MTUS1: variants seen among roughly 807,000 people sequenced by gnomAD.
The protein encoded by MTUS1 is microtubule-associated tumor suppressor 1.
MTUS1 carries 109 observed loss-of-function variants against 120.8 expected under a neutral mutation model. The observed-to-expected ratio is 0.90, with a 90% confidence interval of 0.77 to 1.06. The LOEUF (loss-of-function observed/expected upper bound fraction) is 1.06. Among genes scored for constraint, MTUS1 ranks in the 50% least tolerant of loss-of-function variants. MTUS1 has a pLI of 0.00. For synonymous variants in MTUS1, 737 were observed against 550.5 expected, an observed-to-expected ratio of 1.34 and a Z score of -4.74; for missense variants, 2,210 against 1,486.3, an observed-to-expected ratio of 1.49 and a Z score of -8.01.
rs147460758 is a variant in MTUS1, at chr8:17,726,768, T to C, written c.2288-2935A>G. Among the ~76,000 whole-genome samples, 1,499 of 152,272 alleles carry C rather than the reference T, an allele frequency of 9.8e-3. 20 individuals are homozygous for C. Among genetic ancestry groups the C allele is most frequent in the African/African-American group, 0.035 (1,441 of 41,534 alleles). On this transcript the variant is annotated intron_variant, in intron 3 of 14. Coordinates refer to ENST00000693296, the MANE Select transcript of MTUS1 (RefSeq NM_001363059.2). ...GGAAAACAGATTTTTAGAATATAAA[T>C]TTGCCAAATTGCCGCCCCTTCAGCA...
At chr8:17,790,400 T>TAAG (rs2051678014) in intron 1 of MTUS1, among the ~76,000 whole-genome samples, 1 of 151,590 alleles carries the variant, frequency 6.6e-6, no homozygotes, top group Non-Finnish European at 1.5e-5. Flanking sequence ...ATCCAGCATA[T>TAAG]AAGACCACAG....
chr8:17,661,362 A>G (rs963304906), intron 8 of MTUS1, among the ~76,000 whole-genome samples: 1 of 152,200 alleles, frequency 6.6e-6, no homozygotes, highest in Non-Finnish European at 1.5e-5. Flanking sequence ...AAGCAGGAAC[A>G]AGATCTGAAC....
At chr8:17,657,562 C>A (rs768595659) in intron 8 of MTUS1, among the ~76,000 whole-genome samples, 3 of 148,332 alleles carry the variant, frequency 2.0e-5, no homozygotes, top group African/African-American at 7.5e-5. Context: ...AGAGAGACTC[C>A]GTCTCAAAAA....
intron 1 of MTUS1, among the ~76,000 whole-genome samples, chr8:17,763,865 T>C (rs576345783): frequency 3.3e-5 from 5 of 152,280 alleles, no homozygotes; most frequent in East Asian, 1.9e-4. Context: ...GCCTGGACCA[T>C]AGAACTCACA....
chr8:17,648,542 G>A (rs138962948), intron 13 of MTUS1, among the ~76,000 whole-genome samples: 174 of 152,286 alleles, frequency 1.1e-3, no homozygotes, highest in Middle Eastern at 3.4e-3. Flanking sequence ...GACGACCTTT[G>A]GCAGGAACTG....
At chr8:17,674,017 C>G (rs954754479) in intron 8 of MTUS1, among the ~76,000 whole-genome samples, 1 of 152,108 alleles carries the variant, frequency 6.6e-6, no homozygotes, top group African/African-American at 2.4e-5. Flanking sequence ...GAAATAAGCC[C>G]TAGAATGGTC....
At chr8:17,679,039 A>G (rs7465342) in intron 7 of MTUS1, among the ~76,000 whole-genome samples, 87,117 of 152,002 alleles carry the variant, frequency 0.57, 25,764 homozygotes, top group Middle Eastern at 0.7. Context: ...AATGTCTGAT[A>G]TGTAATGAAA....
intron 13 of MTUS1, among the ~76,000 whole-genome samples, chr8:17,649,079 A>G (rs552295655): frequency 2.1e-5 from 3 of 141,408 alleles, no homozygotes; most frequent in African/African-American, 5.3e-5. Context: ...CAAATGGATT[A>G]ATCTTATTAT....
At chr8:17,714,066 T>A (rs979463469) in intron 5 of MTUS1, among the ~76,000 whole-genome samples, 3 of 152,196 alleles carry the variant, frequency 2.0e-5, no homozygotes, top group African/African-American at 7.2e-5. Flanking sequence ...GTTAACTTCA[T>A]TATTGCTGTG....
At chr8:17,683,522 C>G (rs1815072124) in intron 7 of MTUS1, among the ~76,000 whole-genome samples, 1 of 152,124 alleles carries the variant, frequency 6.6e-6, no homozygotes, top group South Asian at 2.1e-4. Flanking sequence ...GAACTCCTGA[C>G]CACAAGCGAT....
At position 17,755,584 on chromosome 8, in the gene MTUS1, T is replaced by G. The variant is rs748411883; in HGVS notation, c.224A>C (p.Gln75Pro). ...TTCATGACCAAATACTTCAACACCC[T>G]GAAGGCTTAAAGAAATATTTTCACC... ...VTGENISLSL[Q>P]GVEVFGHEKS... Residue 75 changes from glutamine (Q) to proline (P), a missense_variant, in exon 2 of 15, where the codon CAG becomes CCG. Coordinates refer to ENST00000693296, the MANE Select transcript of MTUS1 (RefSeq NM_001363059.2). 6 of 1,614,168 alleles carry G rather than the reference T, an allele frequency of 3.7e-6. No individual in the cohort carries two copies. The highest frequency in any genetic ancestry group is 4.2e-6 in the Non-Finnish European group (5 of 1,180,030).
intron 6 of MTUS1, chr8:17,704,309 A>C (rs943640390): frequency 6.6e-6 from 1 of 152,058 alleles, no homozygotes; most frequent in Non-Finnish European, 1.5e-5. Flanking sequence ...CAACCTGTCT[A>C]TTTTTGCTTT....
At chr8:17,797,007 G>T (rs951699511) in intron 1 of MTUS1, among the ~76,000 whole-genome samples, 1 of 152,106 alleles carries the variant, frequency 6.6e-6, no homozygotes, top group Non-Finnish European at 1.5e-5. Context: ...AGCTACTCAG[G>T]AGGCTGAGGC....
At chr8:17,696,880 C>T (rs533056042) in intron 6 of MTUS1, among the ~76,000 whole-genome samples, 2 of 150,250 alleles carry the variant, frequency 1.3e-5, no homozygotes, top group South Asian at 2.1e-4. Flanking sequence ...GGAACCTTCT[C>T]ATCTACACAG....
intron 7 of MTUS1, among the ~76,000 whole-genome samples, chr8:17,683,926 C>G (rs1278013602): frequency 6.6e-6 from 1 of 152,126 alleles, no homozygotes; most frequent in Non-Finnish European, 1.5e-5. Context: ...CAAAAGTGCT[C>G]TTTAATCCAT....
At chr8:17,672,646 A>C (rs1428007671) in intron 8 of MTUS1, among the ~76,000 whole-genome samples, 1 of 152,142 alleles carries the variant, frequency 6.6e-6, no homozygotes, top group Admixed American at 6.5e-5. Flanking sequence ...CCCTTCTCCA[A>C]ACGGAGAACG....
At chr8:17,663,082 A>C (rs927009596) in intron 8 of MTUS1, among the ~76,000 whole-genome samples, 1 of 98,796 alleles carries the variant, frequency 1.0e-5, no homozygotes, top group Non-Finnish European at 2.7e-5. Context: ...GTAATCAGTG[A>C]AATGCTTTAA....
intron 8 of MTUS1, among the ~76,000 whole-genome samples, chr8:17,656,837 C>T (rs1476419018): frequency 5.3e-5 from 8 of 151,216 alleles, no homozygotes; most frequent in African/African-American, 1.9e-4. Context: ...TTTGGGAGGC[C>T]GAGGCAGGTG....
intron 4 of MTUS1, among the ~76,000 whole-genome samples, chr8:17,722,911 G>C (rs57989629): frequency 6.6e-6 from 1 of 151,860 alleles, no homozygotes; most frequent in Admixed American, 6.6e-5. Context: ...AGATCAGTTC[G>C]CCACTCCTCT....
Sources: gnomAD v4.1 joint callset for allele counts (sites outside exome capture counted in the v4.1 genomes callset) on GRCh38, gnomAD v4.1.1 for gene constraint, MANE v1.5 for transcripts, NCBI Gene and HGNC (gene_info 2026-07-23, HGNC 2026-07-21) for gene names.